Variants in HCN4 observed in about 807,000 individuals in gnomAD.
The protein encoded by HCN4 is hyperpolarization activated cyclic nucleotide gated potassium channel 4, also known as potassium/sodium hyperpolarization-activated cyclic nucleotide-gated channel 4.
Under a neutral mutation model 76.9 loss-of-function variants are expected in HCN4, and 29 were observed. The ratio of observed to expected loss-of-function variants is 0.38; its 90% CI spans 0.28 to 0.51. The LOEUF is 0.51. Ranked by LOEUF, HCN4 falls within the 20% of genes least tolerant of loss-of-function variation. The pLI is 0.90. For synonymous variants in HCN4, 772 were observed against 762.5 expected, an observed-to-expected ratio of 1.01 and a Z score of -0.21; for missense variants, 1,416 against 1,715.2, an observed-to-expected ratio of 0.83 and a Z score of 3.08.
Position 73,367,787 on chromosome 15 carries a change from C to A in HCN4, c.484G>T (p.Ala162Ser), listed in dbSNP as rs1567801801. ...PERPGASAQP[A>S]ASPPPPQQPP... ...TGCTGGGGCGGCGGCGGCGAGGCTGCGGGCTGCGCCGAGGCGCCGGGGCGC... is the reference window on the plus strand; with the variant it reads ...TGCTGGGGCGGCGGCGGCGAGGCTGAGGGCTGCGCCGAGGCGCCGGGGCGC... Residue 162 changes from alanine (A) to serine (S), a missense_variant, in exon 1 of 8, where the codon GCA (alanine) becomes TCA (serine). This residue lies in a region of HCN4 where 355 missense variants were observed against 347.8 expected (regional missense o/e 1.02). Coordinates refer to ENST00000261917, the MANE Select transcript of HCN4 (RefSeq NM_005477.3). This position sits in a 1 kb window ranked among gnomAD's most constrained non-coding sequence, Gnocchi z 7.5. 3 of 1,334,396 alleles carry A rather than the reference C, an allele frequency of 2.2e-6. No homozygotes were observed. Among genetic ancestry groups the A allele is most frequent in the Non-Finnish European group, 2.9e-6 (3 of 1,052,100 alleles). The allele number at this position is 1,334,396 out of a possible 1,614,324, so 82.7% of individuals were successfully genotyped here. A position where few individuals can be genotyped will look rare whatever the true frequency, so the allele number is the denominator to read the frequency against.
chr15:73,335,976 G>C (rs1024997810), intron 2 of HCN4, among the ~76,000 whole-genome samples: 1 of 152,196 alleles, frequency 6.6e-6, no homozygotes, highest in African/African-American at 2.4e-5. Context: ...AGGGAGGAAA[G>C]TCTTGCCCTT....
At chr15:73,352,259 G>A (rs1431483604) in intron 1 of HCN4, among the ~76,000 whole-genome samples, 1 of 148,860 alleles carries the variant, frequency 6.7e-6, no homozygotes, top group African/African-American at 2.6e-5. Context: ...CCTCAGGAGT[G>A]CGTGCCAAAG....
chr15:73,354,956 G>C (rs1289578464), intron 1 of HCN4, among the ~76,000 whole-genome samples: 1 of 152,176 alleles, frequency 6.6e-6, no homozygotes, highest in African/African-American at 2.4e-5. Flanking sequence ...GGGCAGATGG[G>C]GCCATGAGCC....
At chr15:73,351,029 T>C (rs1031843896) in intron 1 of HCN4, among the ~76,000 whole-genome samples, 1 of 152,124 alleles carries the variant, frequency 6.6e-6, no homozygotes, top group Non-Finnish European at 1.5e-5. Flanking sequence ...GTCACCAATA[T>C]GCATCCTGCT....
rs2042938259 is a variant in HCN4 at position 73,332,314 on chromosome 15, T to C, written c.1210-22A>G. On this transcript the variant is annotated intron_variant, in intron 2 of 7. Coordinates refer to ENST00000261917, the MANE Select transcript of HCN4 (RefSeq NM_005477.3). The stretch of plus-strand genomic sequence containing the variant: ...AGATCTGCCAGCAGAGGAGGAGAAA[T>C]TGGCTGGGATAGGTGAGTGGCCAGG... The C allele has an allele frequency of 3.1e-6, 5 of 1,613,762 alleles. No homozygotes were observed. In the African/African-American group the frequency reaches 4.0e-5, roughly 13 times the overall value.
chr15:73,359,458 G>A (rs1389533476), intron 1 of HCN4, among the ~76,000 whole-genome samples: 1 of 152,168 alleles, frequency 6.6e-6, no homozygotes, highest in Non-Finnish European at 1.5e-5. Flanking sequence ...AGAGGCAGCT[G>A]GCTCAGATAC....
chr15:73,329,511 C>T, intron 4 of HCN4, 62 bp downstream of exon 4: 1 of 1,532,222 alleles, frequency 6.5e-7, no homozygotes, highest in South Asian at 1.1e-5. Flanking sequence ...GGCCCACTGG[C>T]TGGTGGCCTG....
chr15:73,340,208 C>T (rs973506996), intron 2 of HCN4, among the ~76,000 whole-genome samples: 11 of 152,158 alleles, frequency 7.2e-5, no homozygotes, highest in East Asian at 1.9e-4. Context: ...AATGTGGGGA[C>T]GTGAAAGACA....
At chr15:73,334,431 C>T (rs1330939012) in intron 2 of HCN4, among the ~76,000 whole-genome samples, 1 of 152,092 alleles carries the variant, frequency 6.6e-6, no homozygotes, top group Non-Finnish European at 1.5e-5. Flanking sequence ...GCACCAGAGC[C>T]CCCAGCACCA....
Position 73,322,630 on chromosome 15 carries a change from T to A in HCN4, c.3463A>T (p.Lys1155Ter). The change falls in exon 8 of 8, where the codon AAG (lysine) becomes TAG (stop). Residue 1155 changes from lysine to a stop codon, truncating the protein, a stop_gained. Coordinates refer to ENST00000261917, the MANE Select transcript of HCN4 (RefSeq NM_005477.3). LOFTEE classifies it high-confidence loss of function. ...IPGQHVTLPR[K>*]TSSGSLPPPL... ...GGTGGCAAAGAACCTGAGGATGTCT[T>A]CCGAGGCAGAGTGACGTGCTGGCCG... 6.2e-7 allele frequency: 1 copy of A among 1,611,530 alleles called. No individual in the cohort carries two copies. Among genetic ancestry groups the A allele is most frequent in the Non-Finnish European group, 8.5e-7 (1 of 1,179,328 alleles).
intron 2 of HCN4, among the ~76,000 whole-genome samples, chr15:73,335,883 A>G (rs149068489): frequency 0.029 from 4,447 of 152,222 alleles, 115 homozygotes; most frequent in Admixed American, 0.092. Context: ...CAGTACCCTT[A>G]GAAAGACCCA....
chr15:73,351,663 G>A (rs2043055411), intron 1 of HCN4, among the ~76,000 whole-genome samples: 1 of 152,150 alleles, frequency 6.6e-6, no homozygotes, highest in African/African-American at 2.4e-5. Context: ...ACATACCTCA[G>A]GGTCAGGGCT....
At position 73,343,333 on chromosome 15, in the gene HCN4, T is replaced by G. The variant is rs1352466696; in HGVS notation, c.1209+52A>C. The G allele has an allele frequency of 6.4e-7, 1 of 1,567,476 alleles. No homozygotes were observed. Among genetic ancestry groups the G allele is most frequent in the Non-Finnish European group, 8.8e-7 (1 of 1,141,242 alleles). On this transcript the variant is annotated intron_variant, in intron 2 of 7. Transcript: ENST00000261917. This position sits in a 1 kb window ranked among gnomAD's most constrained non-coding sequence, Gnocchi z 5.7. The stretch of plus-strand genomic sequence containing the variant: ...CTGAGGTTCCCTGCCAGTTCCTCAC[T>G]CCCTCTGTGGGGAGTGGCCTTTCCC...
intron 1 of HCN4, among the ~76,000 whole-genome samples, chr15:73,356,854 G>A (rs1314196334): frequency 6.6e-6 from 1 of 152,194 alleles, no homozygotes; most frequent in Non-Finnish European, 1.5e-5. Context: ...GCTCCCTGGA[G>A]AGGGAGGCCT....
Position 73,322,431 on chromosome 15 carries a change from A to G in HCN4, c.*50T>C. On this transcript the variant is annotated 3_prime_UTR_variant, in exon 8 of 8. Transcript: ENST00000261917. ...TCCTAATCACAGTTAAACCTGAAGG[A>G]AGAAGGAAGGGAGAGAAAAGAAGAA... The G allele has an allele frequency of 7.1e-7, 1 of 1,412,494 alleles. No homozygotes were observed. Among genetic ancestry groups the G allele is most frequent in the Non-Finnish European group, 9.8e-7 (1 of 1,020,354 alleles). 87.5% of individuals were successfully genotyped at this position (1,412,494 alleles called of 1,614,324 possible).
chr15:73,364,696 G>A (rs2043120774), intron 1 of HCN4, among the ~76,000 whole-genome samples: 1 of 151,996 alleles, frequency 6.6e-6, no homozygotes, highest in Non-Finnish European at 1.5e-5. Context: ...CCAGGGCATG[G>A]TTTCTTTTCT....
chr15:73,364,330 C>G (rs2043119239), intron 1 of HCN4, among the ~76,000 whole-genome samples: 3 of 152,206 alleles, frequency 2.0e-5, no homozygotes, highest in Admixed American at 6.5e-5. Flanking sequence ...CACACCCAGG[C>G]TGACTCCCTG....
At chr15:73,354,378 T>C (rs1054065851) in intron 1 of HCN4, among the ~76,000 whole-genome samples, 3 of 152,180 alleles carry the variant, frequency 2.0e-5, no homozygotes, top group African/African-American at 7.2e-5. Context: ...TCTTGGCCTG[T>C]GATCCTTCAG....
intron 1 of HCN4, among the ~76,000 whole-genome samples, chr15:73,359,863 C>A (rs1354791201): frequency 1.3e-5 from 2 of 152,218 alleles, no homozygotes; most frequent in East Asian, 3.8e-4. Context: ...AAAGATACCA[C>A]TGGACACTTG....
Sources: gnomAD v4.1 joint callset for allele counts (sites outside exome capture counted in the v4.1 genomes callset) on GRCh38, gnomAD v4.1.1 for gene constraint, gnomAD v4.1.1 regional missense constraint, Gnocchi (gnomAD v3.1) non-coding constraint, MANE v1.5 for transcripts, NCBI Gene and HGNC (gene_info 2026-07-23, HGNC 2026-07-21) for gene names.